Variants in GRIK1 observed in about 807,000 individuals in gnomAD.
GRIK1 encodes glutamate ionotropic receptor kainate type subunit 1.
A neutral mutation model predicts 105.7 loss-of-function variants in GRIK1; 69 were observed. That is an observed-to-expected ratio of 0.65 (90% CI 0.54 to 0.80). GRIK1 has a LOEUF of 0.80. Ranked by LOEUF, GRIK1 falls within the 30% of genes least tolerant of loss-of-function variation. GRIK1 has a pLI of 0.00. For missense variants in GRIK1, 1,109 were observed against 1,167.3 expected, an observed-to-expected ratio of 0.95 and a Z score of 0.73; for synonymous variants, 438 against 431.3, an observed-to-expected ratio of 1.02 and a Z score of -0.19.
chr21:29,932,886 A>C (rs2071617981), intron 1 of GRIK1, among the ~76,000 whole-genome samples: 1 of 151,786 alleles, frequency 6.6e-6, no homozygotes, highest in African/African-American at 2.4e-5. Flanking sequence ...ATGAATTTTC[A>C]ATTTAAAACA....
chr21:29,559,773 T>C (rs1021114766), intron 15 of GRIK1, among the ~76,000 whole-genome samples: 1 of 152,238 alleles, frequency 6.6e-6, no homozygotes, highest in Admixed American at 6.5e-5. Flanking sequence ...AATTTGTTGC[T>C]AAATAAAAAC....
At chr21:29,663,447 G>A (rs2063004929) in intron 4 of GRIK1, among the ~76,000 whole-genome samples, 1 of 152,132 alleles carries the variant, frequency 6.6e-6, no homozygotes. Context: ...GGACTAGGAG[G>A]TGCTTAACTC....
chr21:29,560,477 C>T (rs1416157268), intron 15 of GRIK1, among the ~76,000 whole-genome samples: 4 of 127,888 alleles, frequency 3.1e-5, no homozygotes, highest in African/African-American at 6.4e-5. Flanking sequence ...TCCTTTCTCT[C>T]TCTCCCTTTC....
chr21:29,897,968 A>G (rs2070234269), intron 1 of GRIK1, among the ~76,000 whole-genome samples: 1 of 152,220 alleles, frequency 6.6e-6, no homozygotes, highest in Non-Finnish European at 1.5e-5. Flanking sequence ...TTGCAGTTAT[A>G]TTTTAGAGAT....
intron 1 of GRIK1, among the ~76,000 whole-genome samples, chr21:29,826,461 T>C (rs1225559500): frequency 6.6e-6 from 1 of 152,094 alleles, no homozygotes; most frequent in African/African-American, 2.4e-5. Flanking sequence ...GATGAACCTC[T>C]TGCAATCCAT....
chr21:29,669,309 A>T (rs2063120609), intron 4 of GRIK1, among the ~76,000 whole-genome samples: 1 of 152,214 alleles, frequency 6.6e-6, no homozygotes, highest in Non-Finnish European at 1.5e-5. Context: ...AGAAAATATG[A>T]TAAAGGTGCA....
At chr21:29,794,172 T>C (rs1291623749) in intron 1 of GRIK1, among the ~76,000 whole-genome samples, 2 of 152,216 alleles carry the variant, frequency 1.3e-5, no homozygotes, top group African/African-American at 4.8e-5. Context: ...AACTTGTTTT[T>C]CCCCTAATAT....
intron 8 of GRIK1, 176 bp from the exon 9 acceptor site, chr21:29,596,746 T>C: frequency 3.3e-6 from 2 of 613,768 alleles, no homozygotes; most frequent in South Asian, 3.8e-5. Context: ...AAGAGACGAA[T>C]CAAGACTTGG....
chr21:29,819,844 G>A (rs536220031), intron 1 of GRIK1, among the ~76,000 whole-genome samples: 2 of 152,060 alleles, frequency 1.3e-5, no homozygotes, highest in Middle Eastern at 3.4e-3. Flanking sequence ...GACAGGGACC[G>A]CCTGCAACAT....
intron 14 of GRIK1, 53 bp downstream of exon 14, chr21:29,576,911 T>C (rs1026089709): frequency 2.9e-5 from 28 of 960,790 alleles, no homozygotes; most frequent in Non-Finnish European, 1.6e-6. Context: ...GATTCTTTTA[T>C]ACTCTACCAC....
intron 1 of GRIK1, among the ~76,000 whole-genome samples, chr21:29,933,520 C>T (rs529540096): frequency 6.6e-5 from 10 of 152,200 alleles, no homozygotes; most frequent in Middle Eastern, 3.4e-3. Context: ...ACTATACAAA[C>T]GTGCCTCATG....
rs564871750 is a variant in GRIK1 at position 29,768,388 on chromosome 21, T to C, written c.119-74325A>G. On this transcript the variant is annotated intron_variant, in intron 1 of 17. Transcript: ENST00000327783. The stretch of plus-strand genomic sequence containing the variant: ...TTGAGATGGGAATTCTGGGGAGAAA[T>C]ACAGGACAGGAGAGTAAAATAGAAA... 3.9e-4 allele frequency among the ~76,000 whole-genome samples: 60 copies of C among 152,088 alleles called. No homozygotes were observed. In the South Asian group the frequency reaches 0.012, roughly 29 times the overall value.
intron 7 of GRIK1, among the ~76,000 whole-genome samples, chr21:29,608,138 A>T (rs1289325238): frequency 1.3e-5 from 2 of 152,118 alleles, no homozygotes; most frequent in African/African-American, 2.4e-5. Flanking sequence ...TATGTTACAG[A>T]GAAACTGTAA....
At chr21:29,888,534 GGGAACCACTTACA>G (rs1307648506) in intron 1 of GRIK1, among the ~76,000 whole-genome samples, 1 of 151,790 alleles carries the variant, frequency 6.6e-6, no homozygotes, top group Non-Finnish European at 1.5e-5. Flanking sequence ...CCAAACTGTT[GGGAACCACTTACA>G]GGTGTGAGCC....
chr21:29,540,845 C>T (rs181382493), intron 16 of GRIK1, among the ~76,000 whole-genome samples: 35 of 152,122 alleles, frequency 2.3e-4, no homozygotes, highest in Admixed American at 1.4e-3. Flanking sequence ...CAAAAGGAGG[C>T]GGGATACTCA....
At chr21:29,618,727 CT>C (rs1183392385) in intron 7 of GRIK1, among the ~76,000 whole-genome samples, 5 of 152,144 alleles carry the variant, frequency 3.3e-5, no homozygotes, top group Admixed American at 3.3e-4. Flanking sequence ...CTGGATGAGA[CT>C]GGAGACTCAT....
At chr21:29,635,366 G>A (rs947617792) in intron 7 of GRIK1, among the ~76,000 whole-genome samples, 2 of 152,214 alleles carry the variant, frequency 1.3e-5, no homozygotes, top group Admixed American at 1.3e-4. Context: ...TGGTAGAGGT[G>A]ATTGCTGAAG....
At chr21:29,791,637 A>G (rs1169794332) in intron 1 of GRIK1, among the ~76,000 whole-genome samples, 1 of 152,178 alleles carries the variant, frequency 6.6e-6, no homozygotes, top group Non-Finnish European at 1.5e-5. Context: ...GCAAAGAAGG[A>G]AAATTTATTC....
At chr21:29,712,775 T>A (rs1269525693) in intron 1 of GRIK1, among the ~76,000 whole-genome samples, 1 of 152,230 alleles carries the variant, frequency 6.6e-6, no homozygotes, top group African/African-American at 2.4e-5. Flanking sequence ...CCAATTACAG[T>A]TGCAGATACT....
Sources: allele counts gnomAD v4.1 joint callset (sites outside exome capture counted in the v4.1 genomes callset), GRCh38; gene constraint gnomAD v4.1.1; transcripts MANE v1.5; gene names NCBI Gene and HGNC (gene_info 2026-07-23, HGNC 2026-07-21).